ITGA9: variants seen among roughly 807,000 people sequenced by gnomAD.
The protein encoded by ITGA9 is integrin subunit alpha 9, also known as integrin alpha-9.
A neutral mutation model predicts 127.8 loss-of-function variants in ITGA9; 56 were observed. The observed-to-expected ratio is 0.44, with a 90% CI of 0.35 to 0.55. The LOEUF is 0.55. ITGA9 is among the 20% of genes least tolerant of loss of function. The pLI, the probability that ITGA9 is intolerant of heterozygous loss-of-function variation, is 0.00. For synonymous variants in ITGA9, 508 were observed against 514.5 expected (o/e 0.99, Z 0.17); for missense variants, 1,196 against 1,347.1 (o/e 0.89, Z 1.76).
At chr3:37,720,399 CTTG>C (rs1486869976) in intron 18 of ITGA9, among the ~76,000 whole-genome samples, 1 of 152,088 alleles carries the variant, frequency 6.6e-6, no homozygotes, top group Non-Finnish European at 1.5e-5. Flanking sequence ...GAGGTCCCCA[CTTG>C]TTGAGTTTTC....
At position 37,512,845 on chromosome 3, in the gene ITGA9, A is replaced by G. The variant is rs943777689; in HGVS notation, c.898-918A>G. On this transcript the variant is annotated intron_variant, in intron 8 of 27. Coordinates refer to ENST00000264741, the MANE Select transcript of ITGA9 (RefSeq NM_002207.3). Reference sequence around the variant, plus strand: ...TATTGTTATGTAGACAAGGAAGACAAGTGTCACTTGCCACATTAATTTTTT... The same window carrying G: ...TATTGTTATGTAGACAAGGAAGACAGGTGTCACTTGCCACATTAATTTTTT... 2.0e-5 allele frequency among the ~76,000 whole-genome samples: 3 copies of G among 152,276 alleles called. No individual in the cohort carries two copies. The South Asian group carries it at 6.2e-4, about 32-fold the overall frequency.
At chr3:37,669,239 C>T (rs1373823147) in intron 17 of ITGA9, among the ~76,000 whole-genome samples, 1 of 152,232 alleles carries the variant, frequency 6.6e-6, no homozygotes, top group Non-Finnish European at 1.5e-5. Context: ...CTCACAGTGG[C>T]CCGTCCTTTG....
chr3:37,567,967 C>T (rs1434913767), intron 15 of ITGA9, among the ~76,000 whole-genome samples: 3 of 152,206 alleles, frequency 2.0e-5, no homozygotes, highest in Non-Finnish European at 4.4e-5. Flanking sequence ...CGTCTTCTCA[C>T]AGCTCCACTA....
rs1012732242 is a variant in ITGA9, at chr3:37,452,982, T to A, written c.185+423T>A. Among the ~76,000 whole-genome samples, 10 of 152,212 alleles carry A rather than the reference T, an allele frequency of 6.6e-5. No individual in the cohort carries two copies. The highest frequency in any genetic ancestry group is 1.3e-4 in the Non-Finnish European group (9 of 68,030). The stretch of plus-strand genomic sequence containing the variant: ...CCTGGAGGAGTCGGGGCACTGGAGC[T>A]GCACCCCTCCCCGGTTTTGGGGAAC... On this transcript the variant is annotated intron_variant, in intron 1 of 27. Transcript: ENST00000264741. This position sits in a 1 kb window ranked among gnomAD's most constrained non-coding sequence, Gnocchi z 7.3.
intron 6 of ITGA9, among the ~76,000 whole-genome samples, chr3:37,505,507 C>A (rs907004700): frequency 2.6e-5 from 4 of 152,272 alleles, no homozygotes; most frequent in African/African-American, 7.2e-5. Context: ...CAAGAAAAGG[C>A]AAACCTAATA....
intron 17 of ITGA9, among the ~76,000 whole-genome samples, chr3:37,665,859 C>A (rs951529836): frequency 6.6e-6 from 1 of 152,012 alleles, no homozygotes; most frequent in African/African-American, 2.4e-5. Context: ...AGTTACCTGG[C>A]GGAGGGTGGG....
At chr3:37,794,301 T>G (rs1475573784) in intron 26 of ITGA9, among the ~76,000 whole-genome samples, 2 of 152,200 alleles carry the variant, frequency 1.3e-5, no homozygotes, top group African/African-American at 2.4e-5. Flanking sequence ...TGGCGAGCCC[T>G]GAGTCTCCCT....
chr3:37,479,088 A>G (rs968234636), intron 3 of ITGA9, among the ~76,000 whole-genome samples: 11 of 152,226 alleles, frequency 7.2e-5, no homozygotes, highest in African/African-American at 2.7e-4. Context: ...TGCTAAGTCC[A>G]AAAACTTAGC....
chr3:37,704,437 A>G (rs770816790), intron 18 of ITGA9, among the ~76,000 whole-genome samples: 2 of 152,122 alleles, frequency 1.3e-5, no homozygotes, highest in Admixed American at 1.3e-4. Context: ...AAGAGCACCT[A>G]TGAGAGCTTT....
intron 2 of ITGA9, 64 bp from the exon 3 acceptor site, chr3:37,473,290 T>G: frequency 7.5e-7 from 1 of 1,340,036 alleles, no homozygotes; most frequent in Non-Finnish European, 1.1e-6. Context: ...TGGACCACCC[T>G]TTGAAAGCAG....
chr3:37,503,379 G>A (rs1444451628), intron 6 of ITGA9, 72 bp downstream of exon 6: 7 of 1,557,688 alleles, frequency 4.5e-6, no homozygotes, highest in Non-Finnish European at 6.2e-6. Context: ...ACAAATTATT[G>A]CTTCATTGTT....
Position 37,665,075 on chromosome 3 carries a change from C to T in ITGA9, c.1916+11285C>T, listed in dbSNP as rs145029072. On this transcript the variant is annotated intron_variant, in intron 17 of 27. Transcript: ENST00000264741. ...GCAACCTTCTCCGCCTGGGTTCAAGCGATTCTCCTGCCTCAGCCTCCCGAG... is the reference window on the plus strand; with the variant it reads ...GCAACCTTCTCCGCCTGGGTTCAAGTGATTCTCCTGCCTCAGCCTCCCGAG... Among the ~76,000 whole-genome samples, 743 of 150,808 alleles carry T rather than the reference C, an allele frequency of 4.9e-3. 5 individuals carry two copies. The highest frequency in any genetic ancestry group is 0.017 in the African/African-American group (688 of 40,986).
chr3:37,628,489 T>C (rs1229115824), intron 15 of ITGA9, among the ~76,000 whole-genome samples: 1 of 152,164 alleles, frequency 6.6e-6, no homozygotes, highest in Admixed American at 6.5e-5. Flanking sequence ...TCCTTTTCTG[T>C]ATAATGGAGG....
chr3:37,530,546 G>A (rs1423985650), intron 13 of ITGA9, among the ~76,000 whole-genome samples: 1 of 151,956 alleles, frequency 6.6e-6, no homozygotes, highest in African/African-American at 2.4e-5. Context: ...CCTAACAATG[G>A]CACCAGTGGC....
chr3:37,605,156 G>T (rs1699956415), intron 15 of ITGA9, among the ~76,000 whole-genome samples: 1 of 152,164 alleles, frequency 6.6e-6, no homozygotes, highest in Admixed American at 6.5e-5. Context: ...CAGGCAGAGG[G>T]AACAGCAAAT....
chr3:37,802,605 T>C (rs1190955555), intron 26 of ITGA9, among the ~76,000 whole-genome samples: 1 of 152,156 alleles, frequency 6.6e-6, no homozygotes. Context: ...GGGAGAGTTA[T>C]TTGGTAGCAG....
intron 15 of ITGA9, among the ~76,000 whole-genome samples, chr3:37,626,819 C>A (rs1045040253): frequency 6.6e-6 from 1 of 152,234 alleles, no homozygotes; most frequent in African/African-American, 2.4e-5. Flanking sequence ...TGTTTCCCTA[C>A]CCCCATCTTC....
intron 5 of ITGA9, among the ~76,000 whole-genome samples, chr3:37,500,972 A>C (rs903614871): frequency 1.4e-4 from 21 of 152,082 alleles, no homozygotes; most frequent in African/African-American, 4.6e-4. Context: ...TGTTGATTTT[A>C]ACCTGTTTGC....
chr3:37,473,273 A>T (rs1386946795), intron 2 of ITGA9, 81 bp from the exon 3 acceptor site: 1 of 994,252 alleles, frequency 1.0e-6, no homozygotes, highest in Non-Finnish European at 1.6e-6. Context: ...ATTTCCTCAT[A>T]GGGCTGTGGA....
Sources: allele counts gnomAD v4.1 joint callset (sites outside exome capture counted in the v4.1 genomes callset), GRCh38; gene constraint gnomAD v4.1.1; non-coding constraint Gnocchi (gnomAD v3.1); transcripts MANE v1.5; gene names NCBI Gene and HGNC (gene_info 2026-07-23, HGNC 2026-07-21).